KIF1A: variants seen among roughly 807,000 people sequenced by gnomAD.
The protein encoded by KIF1A is kinesin family member 1A.
Under a neutral mutation model 227.3 loss-of-function variants are expected in KIF1A, and 46 were observed. The ratio of observed to expected loss-of-function variants is 0.20; its 90% confidence interval spans 0.16 to 0.26. The LOEUF is 0.26. KIF1A is among the 10% of genes least tolerant of loss of function. KIF1A has a pLI of 1.00. For missense variants in KIF1A, 1,683 were observed against 2,485.9 expected, an observed-to-expected ratio of 0.68 and a Z score of 6.87; for synonymous variants, 1,022 against 1,012.8, an observed-to-expected ratio of 1.01 and a Z score of -0.17.
rs57816194 is a variant in KIF1A at position 240,780,671 on chromosome 2, C to G, written c.882+1919G>C. On this transcript the variant is annotated intron_variant, in intron 10 of 48. Transcript: ENST00000498729. ...CCCCCAGAGTTCCTCGGGTTCCCACCACGGTTCCTGAGGCATTTATTCCTC... is the reference window on the plus strand; with the variant it reads ...CCCCCAGAGTTCCTCGGGTTCCCACGACGGTTCCTGAGGCATTTATTCCTC... Among the ~76,000 whole-genome samples, 918 of 151,910 alleles carry G rather than the reference C, an allele frequency of 6.0e-3. 11 individuals carry two copies. The highest frequency in any genetic ancestry group is 0.02 in the African/African-American group (813 of 41,380).
chr2:240,765,812 G>A lies in KIF1A; in HGVS notation c.1685-19C>T, dbSNP rs762167383. On this transcript the variant is annotated intron_variant, in intron 19 of 48. Coordinates refer to ENST00000498729, the MANE Select transcript of KIF1A (RefSeq NM_001244008.2). ...ACCACAGCTACAGGAAAGGTGGGAG[G>A]GGCAGAGAGGAGGACTATGAGGGGC... 1.3e-6 allele frequency: 2 copies of A among 1,596,854 alleles called. No homozygotes were observed. Among genetic ancestry groups the A allele is most frequent in the Non-Finnish European group, 1.7e-6 (2 of 1,164,836 alleles).
chr2:240,722,695 G>A (rs1179387218), intron 42 of KIF1A, 39 bp from the exon 43 acceptor site: 2 of 1,446,866 alleles, frequency 1.4e-6, no homozygotes, highest in African/African-American at 1.4e-5. Context: ...CTGCACCTCA[G>A]GGGTGACCTC....
At chr2:240,805,487 C>A (rs1033386334) in intron 1 of KIF1A, among the ~76,000 whole-genome samples, 1 of 151,802 alleles carries the variant, frequency 6.6e-6, no homozygotes, top group Non-Finnish European at 1.5e-5. Context: ...AAAAAAAGGG[C>A]GAAAATATAA....
At chr2:240,811,306 A>C (rs185335896) in intron 1 of KIF1A, among the ~76,000 whole-genome samples, 2 of 152,194 alleles carry the variant, frequency 1.3e-5, no homozygotes, top group African/African-American at 2.4e-5. Context: ...CAGAGGTTGC[A>C]GTGAGTAGAG....
rs6757191 is a variant in KIF1A at position 240,766,263 on chromosome 2, G to A, written c.1685-470C>T. Among the ~76,000 whole-genome samples, 1,481 of 152,346 alleles carry A rather than the reference G, an allele frequency of 9.7e-3. 31 individuals are homozygous for A. Among genetic ancestry groups the A allele is most frequent in the African/African-American group, 0.035 (1,435 of 41,570 alleles). On this transcript the variant is annotated intron_variant, in intron 19 of 48. Transcript: ENST00000498729. This position sits in a 1 kb window ranked among gnomAD's most constrained non-coding sequence, Gnocchi z 5.0. ...GTCAGTCACAGGTCTGCAGGCCAGA[G>A]GCTGGCTGGATGCTGCCGGGAGATG...
intron 35 of KIF1A, among the ~76,000 whole-genome samples, chr2:240,741,053 C>T (rs1225027108): frequency 6.6e-6 from 1 of 152,082 alleles, no homozygotes. Flanking sequence ...ATCTGTCCAG[C>T]ACCTCCCTGC....
In KIF1A at chr2:240,782,714, G is replaced by A. The variant is rs1575623838; in HGVS notation, c.865-107C>T. 2.5e-6 allele frequency: 3 copies of A among 1,185,476 alleles called. No homozygotes were observed. In the East Asian group the frequency reaches 7.6e-5, roughly 30 times the overall value. 73.4% of individuals were successfully genotyped at this position (1,185,476 alleles called of 1,614,324 possible). Reference sequence around the variant, plus strand: ...GCTGCCTCGCCCTGGCCATGACTCAGGCTCTACCACCCCGTGGTCTCCTAG... The same window carrying A: ...GCTGCCTCGCCCTGGCCATGACTCAAGCTCTACCACCCCGTGGTCTCCTAG... On this transcript the variant is annotated intron_variant, in intron 9 of 48. Transcript: ENST00000498729.
At chr2:240,741,918 CCT>C (rs2048019557) in intron 34 of KIF1A, among the ~76,000 whole-genome samples, 1 of 152,228 alleles carries the variant, frequency 6.6e-6, no homozygotes, top group Admixed American at 6.5e-5. Context: ...CCTTCACCCA[CCT>C]CTGTCTACCA....
rs397967291 is a variant in KIF1A, at chr2:240,760,021, GA to G, written c.2444+643del. Reference sequence around the variant, plus strand: ...ACAGAGCAAGGCCCTGTCTCTTAAAGAAAAAAAAAAAAAAATTAAGGGCTCA... The same window carrying G: ...ACAGAGCAAGGCCCTGTCTCTTAAAGAAAAAAAAAAAAAATTAAGGGCTCA... On this transcript the variant is annotated intron_variant, in intron 25 of 48. Coordinates refer to ENST00000498729, the MANE Select transcript of KIF1A (RefSeq NM_001244008.2). Among the ~76,000 whole-genome samples the G allele has an allele frequency of 9.9e-3, 1,347 of 135,382 alleles. 4 individuals are homozygous for G. The highest frequency in any genetic ancestry group is 0.024 in the African/African-American group (889 of 37,354). The allele number at this position is 135,382 out of a possible 152,430, so 88.8% of individuals were successfully genotyped here.
At position 240,752,654 on chromosome 2, in the gene KIF1A, C is replaced by T. The variant is rs553523977; in HGVS notation, c.2859-2107G>A. On this transcript the variant is annotated intron_variant, in intron 27 of 48. Coordinates refer to ENST00000498729, the MANE Select transcript of KIF1A (RefSeq NM_001244008.2). This position sits in a 1 kb window ranked among gnomAD's most constrained non-coding sequence, Gnocchi z 6.4. ...GACATAATGAGACCAGACGGGACAG[C>T]CCATGCTGTGGGGCTCTGAGCCAGC... is the stretch of plus-strand genomic sequence containing the variant. Among the ~76,000 whole-genome samples the T allele has an allele frequency of 4.6e-5, 7 of 152,272 alleles. No homozygotes were observed. The highest frequency in any genetic ancestry group is 3.9e-4 in the Admixed American group (6 of 15,312).
upstream of KIF1A, chr2:240,820,351 G>A (rs879791597): frequency 2.0e-5 from 3 of 151,378 alleles, no homozygotes; most frequent in Non-Finnish European, 4.4e-5. This position sits in a 1 kb window ranked among gnomAD's most constrained non-coding sequence, Gnocchi z 6.2. Context: ...GGAGAGGGAC[G>A]GGCGACGCGG....
rs1336948361 is a variant in KIF1A, at chr2:240,740,251, G to C, written c.3816+47C>G. 1 of 1,578,756 alleles carries C rather than the reference G, an allele frequency of 6.3e-7. No individual in the cohort carries two copies. Among genetic ancestry groups the C allele is most frequent in the Non-Finnish European group, 8.7e-7 (1 of 1,150,934 alleles). On this transcript the variant is annotated intron_variant, in intron 36 of 48. Coordinates refer to ENST00000498729, the MANE Select transcript of KIF1A (RefSeq NM_001244008.2). The surrounding 1 kb of genome is among the most constrained non-coding windows in gnomAD (Gnocchi z 6.1). ...GCAGGGAGAGGCTCACACCTGGTGGGGTGGGGGAGGGGACACAGGCAGGGT... is the reference window on the plus strand; with the variant it reads ...GCAGGGAGAGGCTCACACCTGGTGGCGTGGGGGAGGGGACACAGGCAGGGT...
At chr2:240,747,539 G>A (rs747208907) in intron 28 of KIF1A, among the ~76,000 whole-genome samples, 3 of 152,146 alleles carry the variant, frequency 2.0e-5, no homozygotes, top group Admixed American at 6.5e-5. Context: ...AAGCAGCCAC[G>A]GCCTCATCAC....
At position 240,767,041 on chromosome 2, in the gene KIF1A, T is replaced by A. The variant is rs1441382832; in HGVS notation, c.1578-20A>T. The A allele has an allele frequency of 6.4e-7, 1 of 1,570,344 alleles. No individual in the cohort carries two copies. The highest frequency in any genetic ancestry group is 8.7e-7 in the Non-Finnish European group (1 of 1,148,548). The stretch of plus-strand genomic sequence containing the variant: ...CCCACTCTGCGGGGTGGGGGCACCA[T>A]CAGCACGGCAGCTGGGACCCAATAC... On this transcript the variant is annotated intron_variant, in intron 18 of 48. Coordinates refer to ENST00000498729, the MANE Select transcript of KIF1A (RefSeq NM_001244008.2).
At position 240,773,131 on chromosome 2, in the gene KIF1A, A is replaced by G. The variant is rs778472222; in HGVS notation, c.1163T>C (p.Leu388Pro). Residue 388 changes from leucine to proline, a missense_variant, in exon 13 of 49, where the codon CTT becomes CCT. Physicochemically the swap from Leu to Pro is moderately conservative, Grantham distance 98. This residue lies in a region of KIF1A where 110 missense variants were observed against 133.1 expected (regional missense o/e 0.83). Transcript: ENST00000498729. ...GCACTCACTGTCAGTGATGTCGCCA[A>G]GACCCTGGGCGTACAGAAGGTCCCG... ...RLRDLLYAQG[L>P]GDITDTNTVP... 3 of 1,613,482 alleles carry G rather than the reference A, an allele frequency of 1.9e-6. No homozygotes were observed. In the South Asian group the frequency reaches 3.3e-5, roughly 18 times the overall value.
At chr2:240,750,143 A>C (rs2049045027) in intron 28 of KIF1A, among the ~76,000 whole-genome samples, 1 of 152,234 alleles carries the variant, frequency 6.6e-6, no homozygotes, top group Non-Finnish European at 1.5e-5. Flanking sequence ...ACAGCCCCCA[A>C]GGCACCTCCA....
chr2:240,725,574 C>G lies in KIF1A; in HGVS notation c.4123-170G>C, dbSNP rs150197550. 1.3e-5 allele frequency: 9 copies of G among 670,906 alleles called. No individual in the cohort carries two copies. Among genetic ancestry groups the G allele is most frequent in the Non-Finnish European group, 1.7e-5 (7 of 406,112 alleles). 41.6% of individuals were successfully genotyped at this position (670,906 alleles called of 1,614,324 possible). ...GCAGGAGAAAGTCTCTGCTCCTGCCCTCGAGAAAACCCCACTGGGGACAGG... is the reference window on the plus strand; with the variant it reads ...GCAGGAGAAAGTCTCTGCTCCTGCCGTCGAGAAAACCCCACTGGGGACAGG... On this transcript the variant is annotated intron_variant, in intron 39 of 48. Transcript: ENST00000498729. The surrounding 1 kb of genome is among the most constrained non-coding windows in gnomAD (Gnocchi z 5.8).
chr2:240,797,609 C>A (rs937742602), intron 2 of KIF1A, 38 bp downstream of exon 2: 2 of 1,466,452 alleles, frequency 1.4e-6, no homozygotes, highest in Admixed American at 3.5e-5. Flanking sequence ...CCCCAGCAAC[C>A]CATGGCCGAC....
intron 7 of KIF1A, among the ~76,000 whole-genome samples, 190 bp downstream of exon 7, chr2:240,784,799 G>A (rs1354153162): frequency 2.0e-5 from 3 of 147,076 alleles, no homozygotes; most frequent in African/African-American, 7.9e-5. Flanking sequence ...CAAGGCATGG[G>A]AGAAGGGCCT....
Sources: gnomAD v4.1 joint callset for allele counts (sites outside exome capture counted in the v4.1 genomes callset) on GRCh38, gnomAD v4.1.1 for gene constraint, gnomAD v4.1.1 regional missense constraint, Gnocchi (gnomAD v3.1) non-coding constraint, MANE v1.5 for transcripts, NCBI Gene and HGNC (gene_info 2026-07-23, HGNC 2026-07-21) for gene names.